Variants in GRIK2 observed in about 807,000 individuals in gnomAD.
The protein encoded by GRIK2 is glutamate ionotropic receptor kainate type subunit 2, also known as glutamate receptor ionotropic, kainate 2.
GRIK2 carries 32 observed loss-of-function variants against 100.3 expected under a neutral mutation model. The ratio of observed to expected loss-of-function variants is 0.32; its 90% CI spans 0.24 to 0.43. The LOEUF (loss-of-function observed/expected upper bound fraction) is 0.43, where lower values mean the gene tolerates loss of function less well. Among genes scored for constraint, GRIK2 ranks in the 20% least tolerant of loss-of-function variants. The pLI is 1.00. For synonymous variants in GRIK2, 417 were observed against 389.4 expected (o/e 1.07, Z -0.83); for missense variants, 843 against 1,114.9 (o/e 0.76, Z 3.47).
chr6:102,005,839 C>A (rs73763629), intron 14 of GRIK2, among the ~76,000 whole-genome samples: 1,656 of 152,006 alleles, frequency 0.011, 23 homozygotes, highest in African/African-American at 0.038. Flanking sequence ...GTTTTGGAGG[C>A]TGGAAGTTCA....
intron 14 of GRIK2, among the ~76,000 whole-genome samples, chr6:102,011,457 TA>T (rs1310228549): frequency 1.3e-5 from 2 of 152,052 alleles, no homozygotes; most frequent in African/African-American, 2.4e-5. Context: ...TTTTTGCAAA[TA>T]TTTTTTTCCC....
chr6:101,824,575 G>T (rs148366587), intron 10 of GRIK2, among the ~76,000 whole-genome samples: 3 of 152,222 alleles, frequency 2.0e-5, no homozygotes, highest in African/African-American at 7.2e-5. Flanking sequence ...TCCATCAAAA[G>T]ATTAGTAGCA....
intron 7 of GRIK2, among the ~76,000 whole-genome samples, chr6:101,787,328 T>A (rs189390110): frequency 1.3e-5 from 2 of 151,992 alleles, no homozygotes; most frequent in Non-Finnish European, 2.9e-5. Flanking sequence ...ATCTTTATTA[T>A]TTTTTTCTTC....
At chr6:102,039,121 C>A (rs1770435579) in intron 15 of GRIK2, among the ~76,000 whole-genome samples, 1 of 151,354 alleles carries the variant, frequency 6.6e-6, no homozygotes, top group Non-Finnish European at 1.5e-5. Context: ...CATTTAGGGG[C>A]CTCCCCATCA....
At chr6:101,888,325 G>GAAACAGGA (rs1367408115) in intron 11 of GRIK2, among the ~76,000 whole-genome samples, 1 of 152,102 alleles carries the variant, frequency 6.6e-6, no homozygotes, top group African/African-American at 2.4e-5. Flanking sequence ...TTCCTTATCT[G>GAAACAGGA]AAACAGGAAA....
At chr6:101,665,129 G>A (rs1490808912) in intron 4 of GRIK2, among the ~76,000 whole-genome samples, 2 of 152,106 alleles carry the variant, frequency 1.3e-5, no homozygotes, top group African/African-American at 4.8e-5. Flanking sequence ...TTTAGCCCTG[G>A]CTATGACCAG....
intron 7 of GRIK2, among the ~76,000 whole-genome samples, chr6:101,699,051 A>G (rs768104045): frequency 6.6e-6 from 1 of 152,110 alleles, no homozygotes; most frequent in African/African-American, 2.4e-5. Flanking sequence ...TGATGGAACC[A>G]CAGGTTTCAT....
intron 13 of GRIK2, among the ~76,000 whole-genome samples, chr6:101,926,939 A>T (rs1262146132): frequency 2.0e-5 from 3 of 148,462 alleles, no homozygotes; most frequent in East Asian, 3.9e-4. Context: ...TGTTTAAACA[A>T]AACAAAACAA....
intron 4 of GRIK2, among the ~76,000 whole-genome samples, chr6:101,655,369 TG>T (rs1782007211): frequency 6.6e-6 from 1 of 152,162 alleles, no homozygotes; most frequent in Non-Finnish European, 1.5e-5. Context: ...TTGACAGATT[TG>T]GCAAAAAGAA....
chr6:102,059,210 C>T (rs796968362), intron 16 of GRIK2, among the ~76,000 whole-genome samples: 5 of 151,124 alleles, frequency 3.3e-5, no homozygotes, highest in African/African-American at 1.2e-4. Flanking sequence ...AATTGCATTC[C>T]TTTCAGATAA....
chr6:101,782,648 A>G (rs113174601), intron 7 of GRIK2, among the ~76,000 whole-genome samples: 5,029 of 152,234 alleles, frequency 0.033, 192 homozygotes, highest in African/African-American at 0.093. Context: ...TGGCTATTGC[A>G]AATAGTGTTA....
At chr6:101,458,755 G>A (rs537779482) in intron 2 of GRIK2, among the ~76,000 whole-genome samples, 3 of 152,236 alleles carry the variant, frequency 2.0e-5, no homozygotes, top group African/African-American at 4.8e-5. Context: ...TGGGCTCCTC[G>A]TGAAGAACTC....
intron 7 of GRIK2, among the ~76,000 whole-genome samples, chr6:101,715,769 A>G (rs146397191): frequency 2.0e-5 from 3 of 151,948 alleles, no homozygotes; most frequent in East Asian, 1.9e-4. Flanking sequence ...GTGATTTAAT[A>G]TGGAAGAATC....
chr6:101,737,185 TG>T (rs1775696769), intron 7 of GRIK2, among the ~76,000 whole-genome samples: 1 of 152,208 alleles, frequency 6.6e-6, no homozygotes, highest in Admixed American at 6.5e-5. Flanking sequence ...CACATTTTCC[TG>T]TCTTCTTCTG....
chr6:102,038,123 G>T lies in GRIK2; in HGVS notation c.2311+2557G>T, dbSNP rs1770369271. 1.3e-5 allele frequency among the ~76,000 whole-genome samples: 2 copies of T among 151,358 alleles called. 1 individual carries two copies. Among genetic ancestry groups the T allele is most frequent in the South Asian group, 4.1e-4 (2 of 4,826 alleles). On this transcript the variant is annotated intron_variant, in intron 15 of 16. Coordinates refer to ENST00000369134, the MANE Select transcript of GRIK2 (RefSeq NM_021956.5). ...TTGTATATCTCAGGTCCATTTAAAT[G>T]CTAAATAATTTGGCAAATAATGTGC...
intron 4 of GRIK2, among the ~76,000 whole-genome samples, chr6:101,645,194 C>G (rs1378098428): frequency 6.6e-6 from 1 of 151,322 alleles, no homozygotes; most frequent in African/African-American, 2.4e-5. Flanking sequence ...CAACCATAAT[C>G]TTACCCAAAT....
At chr6:101,852,483 T>C (rs1490053511) in intron 10 of GRIK2, among the ~76,000 whole-genome samples, 1 of 152,132 alleles carries the variant, frequency 6.6e-6, no homozygotes, top group East Asian at 1.9e-4. Context: ...GCTTCCCCGG[T>C]TGACCAGAAC....
At chr6:101,927,609 T>A (rs1304900170) in intron 13 of GRIK2, among the ~76,000 whole-genome samples, 1 of 152,090 alleles carries the variant, frequency 6.6e-6, no homozygotes, top group Non-Finnish European at 1.5e-5. Flanking sequence ...ATAGTCTAAA[T>A]GAATTAAAAT....
rs770198825 is a variant in GRIK2 at position 101,682,562 on chromosome 6, A to G, written c.733A>G (p.Met245Val). 3.0e-6 allele frequency: 4 copies of G among 1,319,358 alleles called. No individual in the cohort carries two copies. Among genetic ancestry groups the G allele is most frequent in the African/African-American group, 1.5e-5 (1 of 67,716 alleles). The allele number at this position is 1,319,358 out of a possible 1,614,324, so 81.7% of individuals were successfully genotyped here. ...TTTTTTTTTTCCTTAGGCATTAGCT[A>G]TGGGAATGATGACAGAATACTATCA... is the stretch of plus-strand genomic sequence containing the variant. ...AAGILKQALA[M>V]GMMTEYYHYI... The change falls in exon 6 of 17, where the codon ATG (methionine) becomes GTG (valine). Residue 245 changes from methionine to valine, a missense_variant. Met to Val is a conservative substitution (Grantham distance 21, BLOSUM62 1). This residue lies in a region of GRIK2 where 519 missense variants were observed against 643.8 expected (regional missense o/e 0.81). Coordinates refer to ENST00000369134, the MANE Select transcript of GRIK2 (RefSeq NM_021956.5).
Sources: gnomAD v4.1 joint callset for allele counts (sites outside exome capture counted in the v4.1 genomes callset) on GRCh38, gnomAD v4.1.1 for gene constraint, gnomAD v4.1.1 regional missense constraint, MANE v1.5 for transcripts, NCBI Gene and HGNC (gene_info 2026-07-23, HGNC 2026-07-21) for gene names.